Variants in SAMD5 observed in about 807,000 individuals in gnomAD.
SAMD5 encodes the protein sterile alpha motif domain containing 5, also known as sterile alpha motif domain-containing protein 5.
A neutral mutation model predicts 11.3 loss-of-function variants in SAMD5; 13 were observed. The observed-to-expected ratio is 1.15, with a 90% CI of 0.75 to 1.83. The LOEUF (loss-of-function observed/expected upper bound fraction) is 1.83. Among genes scored for constraint, SAMD5 ranks in the 40% most tolerant of loss-of-function variants. SAMD5 has a pLI of 0.00. For synonymous variants in SAMD5, 129 were observed against 111.3 expected, an observed-to-expected ratio of 1.16 and a Z score of -1.00; for missense variants, 255 against 239.1, an observed-to-expected ratio of 1.07 and a Z score of -0.44.
At chr6:147,915,250 G>A in the SAMD5 span, among the ~76,000 whole-genome samples, 2 of 152,254 alleles carry the variant, frequency 1.3e-5, no homozygotes, top group East Asian at 1.9e-4. Flanking sequence ...TGGGTAAGAT[G>A]TACGTTACAC....
chr6:147,841,248 G>A, the SAMD5 span, among the ~76,000 whole-genome samples: 1 of 152,168 alleles, frequency 6.6e-6, no homozygotes, highest in Admixed American at 6.5e-5. Flanking sequence ...TATTAAAGCA[G>A]AGCTTATTTA....
the SAMD5 span, among the ~76,000 whole-genome samples, chr6:147,861,149 C>T: frequency 6.6e-6 from 1 of 151,546 alleles, no homozygotes; most frequent in African/African-American, 2.4e-5. Flanking sequence ...TTCTCCATTT[C>T]TGCAGCTCAC....
the SAMD5 span, among the ~76,000 whole-genome samples, chr6:147,872,565 A>G: frequency 2.0e-5 from 3 of 152,156 alleles, no homozygotes; most frequent in Non-Finnish European, 4.4e-5. Context: ...CAAAGGTCAC[A>G]TTGCTAGGGG....
intron 1 of SAMD5, among the ~76,000 whole-genome samples, chr6:147,704,765 A>G (rs1791301847): frequency 1.3e-5 from 2 of 152,232 alleles, no homozygotes; most frequent in Admixed American, 6.5e-5. Flanking sequence ...TTTAAAAAAT[A>G]CAAGATGAAA....
chr6:147,838,414 A>C, the SAMD5 span, among the ~76,000 whole-genome samples: 1 of 152,106 alleles, frequency 6.6e-6, no homozygotes, highest in Non-Finnish European at 1.5e-5. Flanking sequence ...AACCTTTGTC[A>C]CCTGTAAAAT....
chr6:147,931,131 T>C, the SAMD5 span, among the ~76,000 whole-genome samples: 3 of 152,172 alleles, frequency 2.0e-5, no homozygotes, highest in African/African-American at 7.2e-5. Context: ...ACATTCCAAA[T>C]AGAGGCTTTT....
chr6:147,727,665 C>CT (rs758485967), intron 1 of SAMD5, among the ~76,000 whole-genome samples: 6,197 of 142,716 alleles, frequency 0.043, 156 homozygotes, highest in African/African-American at 0.075. Context: ...AGGCATCTGG[C>CT]TTTTTTTTTT....
chr6:147,513,509 C>T (rs111743720), intron 1 of SAMD5, among the ~76,000 whole-genome samples: 29 of 152,242 alleles, frequency 1.9e-4, no homozygotes, highest in South Asian at 8.3e-4. Context: ...TTGAAACATA[C>T]GGAGTGTGAG....
the SAMD5 span, among the ~76,000 whole-genome samples, chr6:147,866,201 A>G: frequency 6.6e-6 from 1 of 152,168 alleles, no homozygotes; most frequent in African/African-American, 2.4e-5. Context: ...ACATAGACAC[A>G]TTTATCTTGT....
the SAMD5 span, among the ~76,000 whole-genome samples, chr6:147,783,182 C>A: frequency 6.6e-6 from 1 of 151,942 alleles, no homozygotes; most frequent in Admixed American, 6.6e-5. Context: ...TACTTGATGG[C>A]AGTTATTAAG....
At chr6:147,661,813 T>C (rs1790652303) in intron 1 of SAMD5, among the ~76,000 whole-genome samples, 1 of 152,150 alleles carries the variant, frequency 6.6e-6, no homozygotes, top group Non-Finnish European at 1.5e-5. Flanking sequence ...GTATTTTTCG[T>C]AGAAACGGGG....
At position 147,568,617 on chromosome 6, in the gene SAMD5, T is replaced by G. The variant is rs1489668696; in HGVS notation, c.*4161T>G. The G allele has an allele frequency of 3.0e-5, 30 of 985,206 alleles. No homozygotes were observed. The highest frequency in any genetic ancestry group is 3.6e-5 in the Non-Finnish European group (30 of 829,818). 61.0% of individuals were successfully genotyped at this position (985,206 alleles called of 1,614,324 possible). On this transcript the variant is annotated 3_prime_UTR_variant, in exon 2 of 2. Transcript: ENST00000367474. The stretch of plus-strand genomic sequence containing the variant: ...ATCAGCTGACATCTTGTGCTTACAG[T>G]AAAGCCATATAGATGCACACATAGT...
At chr6:147,790,800 C>CTT in the SAMD5 span, among the ~76,000 whole-genome samples, 1 of 119,162 alleles carries the variant, frequency 8.4e-6, no homozygotes, top group Non-Finnish European at 1.7e-5. Context: ...CTCTCTCTCT[C>CTT]TCTCTCTCTC....
intron 1 of SAMD5, among the ~76,000 whole-genome samples, chr6:147,696,355 C>T (rs1791176505): frequency 6.6e-6 from 1 of 152,166 alleles, no homozygotes; most frequent in African/African-American, 2.4e-5. Flanking sequence ...CCTGTGTCAC[C>T]ATTCTTCATA....
At position 147,729,922 on chromosome 6, in the gene SAMD5, T is replaced by C. The variant is rs946214807; in HGVS notation, c.163-7395T>C. The C allele has an allele frequency of 2.1e-5, 9 of 430,064 alleles. No individual in the cohort carries two copies. The Admixed American group carries it at 2.1e-4, about 10-fold the overall frequency. 26.6% of individuals were successfully genotyped at this position (430,064 alleles called of 1,614,324 possible). A position where few individuals can be genotyped will look rare whatever the true frequency, so the allele number is the denominator to read the frequency against. ...CAACATGGTGAAACCCTGTCTCTAC[T>C]AAAAATACAGAAATTAGCCAGGTGT... On this transcript the variant is annotated intron_variant, in intron 1 of 1. Transcript: ENST00000566741.
At chr6:147,644,345 G>A (rs950934576) in intron 1 of SAMD5, among the ~76,000 whole-genome samples, 3 of 152,120 alleles carry the variant, frequency 2.0e-5, no homozygotes, top group Non-Finnish European at 4.4e-5. Flanking sequence ...ATTCCAAGAC[G>A]CATTAGAGAT....
In SAMD5 at chr6:147,569,772, A is replaced by G; in HGVS notation, c.*5316A>G. 1 of 985,470 alleles carries G rather than the reference A, an allele frequency of 1.0e-6. No homozygotes were observed. The highest frequency in any genetic ancestry group is 1.2e-6 in the Non-Finnish European group (1 of 829,940). The allele number at this position is 985,470 out of a possible 1,614,324, so 61.0% of individuals were successfully genotyped here. A position where few individuals can be genotyped will look rare whatever the true frequency, so the allele number is the denominator to read the frequency against. On this transcript the variant is annotated 3_prime_UTR_variant, in exon 2 of 2. Transcript: ENST00000367474. Reference sequence around the variant, plus strand: ...TGTGTGCATGGGCCTTGGAAAATCTACATGTGTATATCTGAGTAGCGAAGC... The same window carrying G: ...TGTGTGCATGGGCCTTGGAAAATCTGCATGTGTATATCTGAGTAGCGAAGC...
At chr6:147,595,283 AG>A (rs1208655986) in intron 1 of SAMD5, among the ~76,000 whole-genome samples, 1 of 152,196 alleles carries the variant, frequency 6.6e-6, no homozygotes, top group African/African-American at 2.4e-5. Flanking sequence ...CCATGCAAAA[AG>A]CTTTATATGC....
intron 1 of SAMD5, among the ~76,000 whole-genome samples, chr6:147,514,438 T>A (rs998316218): frequency 1.3e-5 from 2 of 150,840 alleles, no homozygotes; most frequent in South Asian, 2.1e-4. Flanking sequence ...CATTCCATCA[T>A]GTAATGTTTA....
Sources: gnomAD v4.1 joint callset for allele counts (sites outside exome capture counted in the v4.1 genomes callset) on GRCh38, gnomAD v4.1.1 for gene constraint, MANE v1.5 for transcripts, NCBI Gene and HGNC (gene_info 2026-07-23, HGNC 2026-07-21) for gene names.